Variants in SLIT3 observed in about 807,000 individuals in gnomAD.
The protein encoded by SLIT3 is slit homolog 3 protein.
In SLIT3, 68 loss-of-function variants were observed where a neutral mutation model predicts 184.0. That is an observed-to-expected ratio of 0.37 (90% CI 0.30 to 0.45). SLIT3 has a LOEUF of 0.45. Among genes scored for constraint, SLIT3 ranks in the 20% least tolerant of loss-of-function variants. SLIT3 has a pLI of 1.00. For missense variants in SLIT3, 1,707 were observed against 2,026.0 expected (o/e 0.84, Z 3.02); for synonymous variants, 831 against 828.6 (o/e 1.00, Z -0.05).
At chr5:168,716,163 G>T (rs1338876024) in intron 23 of SLIT3, among the ~76,000 whole-genome samples, 1 of 152,142 alleles carries the variant, frequency 6.6e-6, no homozygotes, top group Non-Finnish European at 1.5e-5. Flanking sequence ...TTTTAGTAGA[G>T]ACAGTGTTTC....
intron 4 of SLIT3, among the ~76,000 whole-genome samples, chr5:169,136,203 A>G (rs1192026080): frequency 6.6e-6 from 1 of 152,210 alleles, no homozygotes; most frequent in East Asian, 1.9e-4. Context: ...AATCGTGGGT[A>G]GTTTCCGTCA....
intron 4 of SLIT3, among the ~76,000 whole-genome samples, chr5:168,931,686 C>G (rs964681061): frequency 6.6e-6 from 1 of 152,214 alleles, no homozygotes; most frequent in African/African-American, 2.4e-5. Context: ...AGCCTCCCAG[C>G]TTTCATAGCT....
chr5:169,214,854 CAA>C (rs777696908), intron 3 of SLIT3, among the ~76,000 whole-genome samples: 5 of 152,110 alleles, frequency 3.3e-5, no homozygotes, highest in Non-Finnish European at 7.3e-5. Flanking sequence ...TCATGATGTG[CAA>C]TCAATCGCTG....
intron 4 of SLIT3, among the ~76,000 whole-genome samples, chr5:169,098,077 G>T (rs562878872): frequency 6.6e-6 from 1 of 152,148 alleles, no homozygotes; most frequent in Admixed American, 6.5e-5. Flanking sequence ...TCTGACCCCA[G>T]GCAAGCTGCC....
intron 4 of SLIT3, among the ~76,000 whole-genome samples, chr5:169,005,878 T>A (rs554838081): frequency 1.3e-5 from 2 of 152,354 alleles, no homozygotes; most frequent in African/African-American, 4.8e-5. Context: ...TCAAGGTTGG[T>A]GTTGCAAACA....
chr5:168,954,819 T>C (rs1252758171), intron 4 of SLIT3, among the ~76,000 whole-genome samples: 3 of 152,242 alleles, frequency 2.0e-5, no homozygotes, highest in Non-Finnish European at 2.9e-5. Flanking sequence ...TTCTAGCTGA[T>C]TGTTGCCTTG....
chr5:168,953,118 A>C lies in SLIT3; in HGVS notation c.414-69782T>G, dbSNP rs184994646. Among the ~76,000 whole-genome samples the C allele has an allele frequency of 2.8e-3, 424 of 152,314 alleles. 2 individuals carry two copies. The highest frequency in any genetic ancestry group is 4.5e-3 in the Non-Finnish European group (307 of 68,026). On this transcript the variant is annotated intron_variant, in intron 4 of 35. Coordinates refer to ENST00000519560, the MANE Select transcript of SLIT3 (RefSeq NM_003062.4). ...GCTTAGTAGGATTCTTGCAAAAATT[A>C]TACATGAAAGTCCCAAAGTCAAGGC...
intron 4 of SLIT3, among the ~76,000 whole-genome samples, chr5:168,887,871 C>A (rs1038338602): frequency 6.6e-6 from 1 of 152,088 alleles, no homozygotes; most frequent in Non-Finnish European, 1.5e-5. Context: ...TTTTTCAGCA[C>A]CCCCAGGACA....
At chr5:169,256,557 G>A (rs78402134) in intron 1 of SLIT3, among the ~76,000 whole-genome samples, 86 of 152,344 alleles carry the variant, frequency 5.6e-4, no homozygotes, top group African/African-American at 2.0e-3. Flanking sequence ...ACACATTACT[G>A]TACCAAAGTG....
At chr5:168,888,756 G>A (rs145605314) in intron 4 of SLIT3, among the ~76,000 whole-genome samples, 381 of 152,248 alleles carry the variant, frequency 2.5e-3, no homozygotes, top group Non-Finnish European at 3.9e-3. Context: ...TAAAATAGGG[G>A]ATGATCTTCA....
intron 4 of SLIT3, among the ~76,000 whole-genome samples, chr5:168,965,405 T>C (rs1763151680): frequency 6.6e-6 from 1 of 152,202 alleles, no homozygotes; most frequent in African/African-American, 2.4e-5. Flanking sequence ...CGTTCAGGCT[T>C]TGATGGGACC....
intron 4 of SLIT3, among the ~76,000 whole-genome samples, chr5:169,137,273 A>G (rs920342521): frequency 2.0e-5 from 3 of 147,960 alleles, no homozygotes; most frequent in Non-Finnish European, 3.0e-5. Context: ...CTCTCTCTCA[A>G]TTAATCTCCC....
chr5:169,244,750 A>T lies in SLIT3; in HGVS notation c.296T>A (p.Val99Asp). ...GTCCTGGAAGGCGCCTCTCTCGATG[A>T]CGCTGACCTGGTTGTCTTCCAGATG... ...VLHLEDNQVS[V>D]IERGAFQDLK... The change falls in exon 3 of 36, where the codon GTC becomes GAC. Residue 99 changes from valine to aspartate, a missense_variant. Around this residue, in one of 3 missense-constraint regions of SLIT3, gnomAD observed 1,307 missense variants for 1,511.6 expected, o/e 0.86. Transcript: ENST00000519560. The T allele has an allele frequency of 6.2e-7, 1 of 1,614,018 alleles. No homozygotes were observed. The highest frequency in any genetic ancestry group is 8.5e-7 in the Non-Finnish European group (1 of 1,180,002).
At chr5:169,203,275 G>C (rs1763960114) in intron 3 of SLIT3, among the ~76,000 whole-genome samples, 1 of 151,662 alleles carries the variant, frequency 6.6e-6, no homozygotes, top group Non-Finnish European at 1.5e-5. Context: ...GTATATATTA[G>C]TACACTAGGG....
intron 4 of SLIT3, among the ~76,000 whole-genome samples, chr5:169,135,128 C>T (rs758575156): frequency 5.3e-5 from 8 of 152,262 alleles, no homozygotes; most frequent in Non-Finnish European, 8.8e-5. Flanking sequence ...TTTTTGGAGA[C>T]GGAGTCTCAC....
intron 3 of SLIT3, among the ~76,000 whole-genome samples, chr5:169,233,201 T>C (rs759659181): frequency 6.6e-6 from 1 of 152,080 alleles, no homozygotes; most frequent in Non-Finnish European, 1.5e-5. Flanking sequence ...AATTTTTTAT[T>C]ACTAGTAGAG....
At chr5:168,825,732 A>G (rs1757681466) in intron 6 of SLIT3, among the ~76,000 whole-genome samples, 1 of 152,244 alleles carries the variant, frequency 6.6e-6, no homozygotes, top group Admixed American at 6.5e-5. Flanking sequence ...AGCTTCCAGA[A>G]GATCTCATCA....
At chr5:169,283,367 A>C (rs541413253) in intron 1 of SLIT3, among the ~76,000 whole-genome samples, 1 of 152,300 alleles carries the variant, frequency 6.6e-6, no homozygotes, top group East Asian at 1.9e-4. Flanking sequence ...TGCTTTTGAA[A>C]GTGCTTAGAT....
At chr5:168,677,675 C>T (rs928690912) in intron 32 of SLIT3, among the ~76,000 whole-genome samples, 8 of 152,236 alleles carry the variant, frequency 5.3e-5, no homozygotes, top group African/African-American at 1.7e-4. Context: ...TCTTGAACTC[C>T]TGACCTCAAG....
Sources: gnomAD v4.1 joint callset for allele counts (sites outside exome capture counted in the v4.1 genomes callset) on GRCh38, gnomAD v4.1.1 for gene constraint, gnomAD v4.1.1 regional missense constraint, MANE v1.5 for transcripts, NCBI Gene and HGNC (gene_info 2026-07-23, HGNC 2026-07-21) for gene names.